Variants in TRPA1 observed in about 807,000 individuals in gnomAD.
The protein encoded by TRPA1 is ankyrin-like with transmembrane domains 1.
Under a neutral mutation model 131.3 loss-of-function variants are expected in TRPA1, and 129 were observed. That is an observed-to-expected ratio of 0.98 (90% confidence interval 0.85 to 1.14). The LOEUF (loss-of-function observed/expected upper bound fraction) is 1.14. Among genes scored for constraint, TRPA1 ranks in the 50% most tolerant of loss-of-function variants. TRPA1 has a pLI of 0.00. For missense variants in TRPA1, 1,304 were observed against 1,354.2 expected (o/e 0.96, Z 0.58); for synonymous variants, 441 against 451.7 (o/e 0.98, Z 0.30).
chr8:72,051,022 A>G, intron 14 of TRPA1, 151 bp from the exon 15 acceptor site: 1 of 613,814 alleles, frequency 1.6e-6, no homozygotes, highest in African/African-American at 1.8e-5. Flanking sequence ...TGGAACCAAC[A>G]TGTAAAGCAA....
rs188338553 is a variant in TRPA1 at position 72,047,000 on chromosome 8, T to C, written c.1965+148A>G. The C allele has an allele frequency of 1.1e-3, 699 of 640,862 alleles. 3 individuals carry two copies. The highest frequency in any genetic ancestry group is 1.7e-3 in the Non-Finnish European group (620 of 371,832). 39.7% of individuals were successfully genotyped at this position (640,862 alleles called of 1,614,324 possible). ...AAAACTGAGAATGTAAGGGAAAAAT[T>C]CTCTCACAAGTAGATAATACAATAA... On this transcript the variant is annotated intron_variant, in intron 16 of 26. Coordinates refer to ENST00000262209, the MANE Select transcript of TRPA1 (RefSeq NM_007332.3).
intron 20 of TRPA1, 140 bp downstream of exon 20, chr8:72,037,843 C>G (rs1329506533): frequency 3.1e-6 from 2 of 636,738 alleles, no homozygotes; most frequent in African/African-American, 3.7e-5. Context: ...AACATTTATG[C>G]TTGGTGTTTC....
chr8:72,052,965 C>CTGTGTGTG (rs57129422), intron 13 of TRPA1, 200 bp from the exon 14 acceptor site: 4,302 of 322,384 alleles, frequency 0.013, 133 homozygotes, highest in East Asian at 0.049. Context: ...GGAAGTGGAT[C>CTGTGTGTG]TGTGTGTGTG....
In TRPA1 at chr8:72,075,559, C is replaced by G; in HGVS notation, c.-150G>C. On this transcript the variant is annotated 5_prime_UTR_variant, in exon 1 of 27. Transcript: ENST00000262209. ...GCTCACAGGCAGCGAAAAAGTCGCTCTGCGGAAGCCCTGGAGAACTTCTGG... is the reference window on the plus strand; with the variant it reads ...GCTCACAGGCAGCGAAAAAGTCGCTGTGCGGAAGCCCTGGAGAACTTCTGG... The G allele has an allele frequency of 1.5e-6, 1 of 685,964 alleles. No individual in the cohort carries two copies. The highest frequency in any genetic ancestry group is 2.6e-6 in the Non-Finnish European group (1 of 387,110). 42.5% of individuals were successfully genotyped at this position (685,964 alleles called of 1,614,324 possible).
At chr8:72,080,207 C>G (rs1352113190), upstream of TRPA1, among the ~76,000 whole-genome samples, 1 of 151,770 alleles carries the variant, frequency 6.6e-6, no homozygotes, top group Non-Finnish European at 1.5e-5. Context: ...GAGTGGATAT[C>G]CTTACCTTTT....
chr8:72,034,718 C>T (rs1001734631), intron 21 of TRPA1, among the ~76,000 whole-genome samples: 1 of 152,254 alleles, frequency 6.6e-6, no homozygotes, highest in East Asian at 1.9e-4. Flanking sequence ...CCTCAGCTTC[C>T]CGAGTAGCCG....
At chr8:72,036,215 A>T in intron 21 of TRPA1, 73 bp downstream of exon 21, 1 of 1,491,070 alleles carries the variant, frequency 6.7e-7, no homozygotes, top group Non-Finnish European at 9.3e-7. Flanking sequence ...TTAAATTTAC[A>T]CCAGGTACAA....
At chr8:72,044,417 A>G (rs2129434434) in intron 17 of TRPA1, among the ~76,000 whole-genome samples, 1 of 152,166 alleles carries the variant, frequency 6.6e-6, no homozygotes, top group Admixed American at 6.6e-5. Context: ...CTTGTTTTCA[A>G]TGTGCTTTCA....
At chr8:72,077,441 T>C (rs1806211087), upstream of TRPA1, among the ~76,000 whole-genome samples, 1 of 152,214 alleles carries the variant, frequency 6.6e-6, no homozygotes, top group Non-Finnish European at 1.5e-5. Context: ...CCACTGACAT[T>C]CTCCAAAGCA....
At chr8:72,069,220 T>C in intron 2 of TRPA1, 22 bp from the exon 3 acceptor site, 1 of 1,613,818 alleles carries the variant, frequency 6.2e-7, no homozygotes, top group South Asian at 1.1e-5. Context: ...AACCAGAATA[T>C]GGATTAAATT....
upstream of TRPA1, among the ~76,000 whole-genome samples, chr8:72,080,104 G>C (rs1806260561): frequency 2.6e-5 from 4 of 151,730 alleles, no homozygotes; most frequent in South Asian, 6.2e-4. Flanking sequence ...AAGACAGTTT[G>C]CTTCTTCCTT....
intron 26 of TRPA1, 69 bp from the exon 27 acceptor site, chr8:72,023,185 G>T: frequency 3.3e-6 from 2 of 600,094 alleles, no homozygotes; most frequent in Non-Finnish European, 4.2e-6. Flanking sequence ...ATGTAGGAAG[G>T]CATAGGTTTT....
At chr8:72,069,297 T>C (rs989391345) in intron 2 of TRPA1, 99 bp from the exon 3 acceptor site, 11 of 1,157,734 alleles carry the variant, frequency 9.5e-6, no homozygotes, top group Non-Finnish European at 1.3e-5. Context: ...CAAGTGCAAA[T>C]GAAATCAGCT....
Position 72,046,621 on chromosome 8 carries a change from G to A in TRPA1, c.1966-13C>T, listed in dbSNP as rs201203450. The A allele has an allele frequency of 2.9e-4, 430 of 1,461,796 alleles. 1 individual carries two copies. The African/African-American group carries it at 5.2e-3, about 18-fold the overall frequency. The allele number at this position is 1,461,796 out of a possible 1,614,324, so 90.6% of individuals were successfully genotyped here. ...AATTATACTCGATCTGTAGAAGACA[G>A]AATTTTTTTTAAAAAAATGTACAGT... On this transcript the variant is annotated splice_polypyrimidine_tract_variant and intron_variant, in intron 16 of 26. Transcript: ENST00000262209.
chr8:72,071,240 C>T (rs1039614387), intron 2 of TRPA1, among the ~76,000 whole-genome samples: 2 of 152,158 alleles, frequency 1.3e-5, no homozygotes, highest in African/African-American at 4.8e-5. Context: ...CACACCACTT[C>T]ACTGCCTTCA....
Position 72,047,173 on chromosome 8 carries a change from T to A in TRPA1, c.1940A>T (p.Glu647Val), listed in dbSNP as rs1305774393. The A allele has an allele frequency of 3.7e-6, 6 of 1,611,224 alleles. No individual in the cohort carries two copies. The highest frequency in any genetic ancestry group is 5.1e-6 in the Non-Finnish European group (6 of 1,178,144). ...ATAATAGTCTCGGCAGGACTTGTCT[T>A]CTGTGGAATGCAACATGCAGAAATC... is the stretch of plus-strand genomic sequence containing the variant. ...LLDFCMLHST[E>V]DKSCRDYYIE... The change falls in exon 16 of 27, where the codon GAA (glutamate) becomes GTA (valine). Residue 647 changes from glutamate (E) to valine (V), a missense_variant. Coordinates refer to ENST00000262209, the MANE Select transcript of TRPA1 (RefSeq NM_007332.3).
chr8:72,061,896 C>A, intron 6 of TRPA1, 135 bp from the exon 7 acceptor site: 2 of 950,556 alleles, frequency 2.1e-6, no homozygotes, highest in Non-Finnish European at 1.6e-6. Flanking sequence ...CATTAATCAT[C>A]TGAAATGTGA....
chr8:72,069,106 C>T lies in TRPA1; in HGVS notation c.361G>A (p.Gly121Arg), dbSNP rs758974939. ...AAGTTTCGGAGATTTGGGTTTGCTC[C>T]TCTGCTGAGAAGAAACTTAACGCTT... ...IESVKFLLSR[G>R]ANPNLRNFNM... Residue 121 changes from glycine (G) to arginine (R), a missense_variant, in exon 3 of 27, where the codon GGA becomes AGA. By Grantham distance (125) the Gly-to-Arg change is moderately radical. Transcript: ENST00000262209. 3 of 1,614,086 alleles carry T rather than the reference C, an allele frequency of 1.9e-6. No individual in the cohort carries two copies. The highest frequency in any genetic ancestry group is 2.5e-6 in the Non-Finnish European group (3 of 1,180,044).
chr8:72,076,434 C>T (rs146073048), upstream of TRPA1: 3 of 152,254 alleles, frequency 2.0e-5, no homozygotes, highest in East Asian at 5.8e-4. Context: ...TTCAGGTTTA[C>T]AAGGCTAGAA....
Sources: gnomAD v4.1 joint callset for allele counts (sites outside exome capture counted in the v4.1 genomes callset) on GRCh38, gnomAD v4.1.1 for gene constraint, MANE v1.5 for transcripts, NCBI Gene and HGNC (gene_info 2026-07-23, HGNC 2026-07-21) for gene names.